CSMD1: variants seen among roughly 807,000 people sequenced by gnomAD.
The protein encoded by CSMD1 is CUB and Sushi multiple domains 1.
A neutral mutation model predicts 417.5 loss-of-function variants in CSMD1; 213 were observed. The observed-to-expected ratio is 0.51, with a 90% CI of 0.46 to 0.57. The LOEUF is 0.57. Ranked by LOEUF, CSMD1 falls within the 20% of genes least tolerant of loss-of-function variation. The pLI is 0.00. For missense variants in CSMD1, 6,923 were observed against 4,529.7 expected (o/e 1.53, Z -15.17); for synonymous variants, 2,862 against 1,736.8 (o/e 1.65, Z -16.11).
At chr8:3,392,217 T>C (rs570443085) in intron 17 of CSMD1, among the ~76,000 whole-genome samples, 1 of 151,968 alleles carries the variant, frequency 6.6e-6, no homozygotes, top group East Asian at 1.9e-4. Context: ...GTAACTAACC[T>C]GCACGTTGTC....
At chr8:4,435,675 G>A (rs761241987) in intron 2 of CSMD1, among the ~76,000 whole-genome samples, 3 of 152,188 alleles carry the variant, frequency 2.0e-5, no homozygotes, top group Non-Finnish European at 4.4e-5. Flanking sequence ...GAGGTCACCC[G>A]AGTTGTTACT....
At chr8:4,945,428 T>C (rs1808300928) in intron 1 of CSMD1, among the ~76,000 whole-genome samples, 1 of 151,884 alleles carries the variant, frequency 6.6e-6, no homozygotes, top group Non-Finnish European at 1.5e-5. Flanking sequence ...TTACCGCAAT[T>C]TAAAAAAATA....
At chr8:4,337,850 T>C (rs1016599153) in intron 3 of CSMD1, among the ~76,000 whole-genome samples, 3 of 152,172 alleles carry the variant, frequency 2.0e-5, no homozygotes, top group African/African-American at 7.2e-5. Flanking sequence ...TGTTCCTTCG[T>C]AAAGACTTTA....
At chr8:4,455,116 G>A (rs1799388680) in intron 2 of CSMD1, among the ~76,000 whole-genome samples, 1 of 152,146 alleles carries the variant, frequency 6.6e-6, no homozygotes, top group Admixed American at 6.5e-5. Flanking sequence ...CGTAATAAAG[G>A]ATGACGGATA....
intron 8 of CSMD1, among the ~76,000 whole-genome samples, chr8:3,609,576 G>C (rs1264953404): frequency 6.6e-6 from 1 of 151,880 alleles, no homozygotes; most frequent in Non-Finnish European, 1.5e-5. Flanking sequence ...AACCAGATGA[G>C]GAATATTTTA....
intron 5 of CSMD1, among the ~76,000 whole-genome samples, chr8:3,909,121 T>A (rs181736222): frequency 2.6e-5 from 4 of 152,300 alleles, no homozygotes; most frequent in African/African-American, 4.8e-5. Flanking sequence ...TAAAGCAATA[T>A]TCTGGAGAGG....
chr8:4,909,195 G>A (rs143067419), intron 1 of CSMD1, among the ~76,000 whole-genome samples: 307 of 152,244 alleles, frequency 2.0e-3, no homozygotes, highest in Non-Finnish European at 3.5e-3. Context: ...TTATAATGCA[G>A]GAGGCCTGTT....
intron 59 of CSMD1, among the ~76,000 whole-genome samples, chr8:2,964,374 G>A (rs1803768211): frequency 6.6e-6 from 1 of 152,202 alleles, no homozygotes. Flanking sequence ...AGCGAGGGCT[G>A]GGGAAATGCG....
At chr8:4,608,149 G>C (rs182437812) in intron 2 of CSMD1, among the ~76,000 whole-genome samples, 2 of 152,276 alleles carry the variant, frequency 1.3e-5, no homozygotes, top group African/African-American at 2.4e-5. Flanking sequence ...GGAGGCATTA[G>C]AGGGGACCCT....
rs111365017 is a variant in CSMD1, at chr8:4,286,653, G to C, written c.415+133300C>G. On this transcript the variant is annotated intron_variant, in intron 3 of 69. Coordinates refer to ENST00000635120, the MANE Select transcript of CSMD1 (RefSeq NM_033225.6). Reference sequence around the variant, plus strand: ...AAGAAAGGTTTATCCTCCAAGAAAGGGGATAGCAATCATACTGATTTTGTA... The same window carrying C: ...AAGAAAGGTTTATCCTCCAAGAAAGCGGATAGCAATCATACTGATTTTGTA... Among the ~76,000 whole-genome samples, 691 of 152,232 alleles carry C rather than the reference G, an allele frequency of 4.5e-3. 5 individuals are homozygous for C. Among genetic ancestry groups the C allele is most frequent in the African/African-American group, 0.015 (642 of 41,544 alleles).
chr8:4,826,122 T>C (rs1799811852), intron 1 of CSMD1, among the ~76,000 whole-genome samples: 1 of 152,210 alleles, frequency 6.6e-6, no homozygotes, highest in African/African-American at 2.4e-5. Flanking sequence ...GATTCAGAAA[T>C]GTCAGTTCTC....
At chr8:3,099,057 C>T (rs764516574) in intron 46 of CSMD1, among the ~76,000 whole-genome samples, 7 of 151,946 alleles carry the variant, frequency 4.6e-5, no homozygotes, top group African/African-American at 1.7e-4. Context: ...GCCCACCTCT[C>T]CCCTTAATGC....
chr8:4,270,702 A>T (rs188848233), intron 3 of CSMD1, among the ~76,000 whole-genome samples: 1 of 152,296 alleles, frequency 6.6e-6, no homozygotes, highest in East Asian at 1.9e-4. Flanking sequence ...TCTGATCCTT[A>T]TTTTCATTTG....
chr8:4,950,808 C>T (rs1484161633), intron 1 of CSMD1, among the ~76,000 whole-genome samples: 1 of 152,028 alleles, frequency 6.6e-6, no homozygotes, highest in Non-Finnish European at 1.5e-5. Context: ...CACCACTCAA[C>T]CACTCTTGGT....
At chr8:4,372,744 AAG>A (rs1802470853) in intron 3 of CSMD1, among the ~76,000 whole-genome samples, 1 of 123,704 alleles carries the variant, frequency 8.1e-6, no homozygotes. Flanking sequence ...ATGGAGGCAA[AAG>A]AAAAAAAAAA....
At chr8:3,907,425 A>G (rs1808184972) in intron 5 of CSMD1, among the ~76,000 whole-genome samples, 1 of 152,102 alleles carries the variant, frequency 6.6e-6, no homozygotes, top group Non-Finnish European at 1.5e-5. Flanking sequence ...TCCCCTTAGA[A>G]TTTTTAGAGA....
chr8:3,479,924 T>C (rs1817639426), intron 11 of CSMD1, among the ~76,000 whole-genome samples: 1 of 152,152 alleles, frequency 6.6e-6, no homozygotes, highest in South Asian at 2.1e-4. Flanking sequence ...AAGGAAATTA[T>C]GGAACTAAAA....
intron 3 of CSMD1, among the ~76,000 whole-genome samples, chr8:4,300,547 A>C (rs1199047233): frequency 6.6e-6 from 1 of 152,058 alleles, no homozygotes; most frequent in Non-Finnish European, 1.5e-5. Context: ...TTTTATTATT[A>C]TTATGCTTTA....
At chr8:3,726,145 G>T (rs907660570) in intron 6 of CSMD1, among the ~76,000 whole-genome samples, 7 of 151,892 alleles carry the variant, frequency 4.6e-5, no homozygotes, top group Admixed American at 1.3e-4. Context: ...AGCCATGCAG[G>T]CACCGAGGCG....
Sources: gnomAD v4.1 joint callset for allele counts (sites outside exome capture counted in the v4.1 genomes callset) on GRCh38, gnomAD v4.1.1 for gene constraint, MANE v1.5 for transcripts, NCBI Gene and HGNC (gene_info 2026-07-23, HGNC 2026-07-21) for gene names.